MAMDC2: variants seen among roughly 807,000 people sequenced by gnomAD.
The protein encoded by MAMDC2 is MAM domain-containing protein 2.
MAMDC2 carries 57 observed loss-of-function variants against 89.8 expected under a neutral mutation model. The observed-to-expected ratio is 0.63, with a 90% CI of 0.51 to 0.79. The LOEUF is 0.79. Among genes scored for constraint, MAMDC2 ranks in the 30% least tolerant of loss-of-function variants. The probability of loss-of-function intolerance (pLI) is 0.00; values close to 1 mark genes in which losing one functional copy is unlikely to be tolerated. For missense variants in MAMDC2, 800 were observed against 820.6 expected (o/e 0.97, Z 0.31); for synonymous variants, 313 against 293.4 (o/e 1.07, Z -0.68).
intron 11 of MAMDC2, among the ~76,000 whole-genome samples, chr9:70,206,667 A>G (rs1165636468): frequency 6.6e-6 from 1 of 152,082 alleles, no homozygotes; most frequent in East Asian, 1.9e-4. Flanking sequence ...TCTAGGGTAC[A>G]TGTGCACAAC....
At chr9:70,071,834 A>G (rs970553768) in intron 2 of MAMDC2, 4 of 152,190 alleles carry the variant, frequency 2.6e-5, no homozygotes, top group African/African-American at 7.2e-5. Context: ...TTATGAATAG[A>G]TGAACAAAGG....
chr9:70,210,588 A>C (rs1259303285), intron 11 of MAMDC2, among the ~76,000 whole-genome samples: 1 of 152,124 alleles, frequency 6.6e-6, no homozygotes, highest in Non-Finnish European at 1.5e-5. Context: ...TCTTTATCCA[A>C]GTTGCCAGTC....
intron 5 of MAMDC2, among the ~76,000 whole-genome samples, chr9:70,117,691 C>T (rs2030074806): frequency 6.6e-6 from 1 of 151,872 alleles, no homozygotes; most frequent in Non-Finnish European, 1.5e-5. Flanking sequence ...AATGTCCTTC[C>T]CTATAATACC....
chr9:70,083,731 A>G (rs1239318373), intron 2 of MAMDC2: 2 of 149,906 alleles, frequency 1.3e-5, no homozygotes, highest in Non-Finnish European at 3.0e-5. Flanking sequence ...TTTTATCCCA[A>G]GCCAAAGTCC....
At chr9:70,174,846 C>T (rs1229914362) in intron 11 of MAMDC2, among the ~76,000 whole-genome samples, 2 of 151,872 alleles carry the variant, frequency 1.3e-5, no homozygotes, top group Non-Finnish European at 2.9e-5. Context: ...CTGCCTCAGG[C>T]TCCCGACTAG....
intron 12 of MAMDC2, 82 bp downstream of exon 12, chr9:70,218,678 G>T (rs1047170014): frequency 8.2e-6 from 12 of 1,462,552 alleles, no homozygotes; most frequent in African/African-American, 2.8e-5. Context: ...CTACCAAAGA[G>T]AATATTTTGT....
rs148231559 is a variant in MAMDC2 at position 70,111,483 on chromosome 9, C to G, written c.506-1512C>G. On this transcript the variant is annotated intron_variant, in intron 4 of 13. Coordinates refer to ENST00000377182, the MANE Select transcript of MAMDC2 (RefSeq NM_153267.5). ...CTCATCTGTAAAATGAGGTTAGTAA[C>G]AGTGCCTATGTCATGGGGCTGCTTT... is the stretch of plus-strand genomic sequence containing the variant. Among the ~76,000 whole-genome samples, 374 of 152,296 alleles carry G rather than the reference C, an allele frequency of 2.5e-3. 1 individual carries two copies. The highest frequency in any genetic ancestry group is 3.5e-3 in the Non-Finnish European group (235 of 68,016).
intron 4 of MAMDC2, among the ~76,000 whole-genome samples, chr9:70,110,536 T>C (rs1340838035): frequency 6.6e-6 from 1 of 152,126 alleles, no homozygotes; most frequent in Non-Finnish European, 1.5e-5. Flanking sequence ...GCCAGACCCC[T>C]GTGGGGAGAA....
chr9:70,159,651 G>A (rs1365890296), intron 9 of MAMDC2, among the ~76,000 whole-genome samples: 2 of 152,162 alleles, frequency 1.3e-5, no homozygotes, highest in African/African-American at 4.8e-5. Context: ...TGCTGTTTGT[G>A]GATTGCATTC....
intron 11 of MAMDC2, among the ~76,000 whole-genome samples, chr9:70,207,954 T>C (rs1037358638): frequency 1.7e-4 from 26 of 152,208 alleles, no homozygotes; most frequent in Non-Finnish European, 3.4e-4. Flanking sequence ...ATGTGTGGTA[T>C]TATTTCTGAG....
intron 9 of MAMDC2, among the ~76,000 whole-genome samples, chr9:70,166,000 G>A (rs1335497381): frequency 6.6e-6 from 1 of 152,022 alleles, no homozygotes; most frequent in East Asian, 1.9e-4. Flanking sequence ...AACACTTTGG[G>A]AGGCCAAGCG....
In MAMDC2 at chr9:70,044,594, C is replaced by T. The variant is rs149438841; in HGVS notation, c.45C>T (p.Leu15=). ...GCTTTGTGCCCGCAGCCCTGCAGCT[C>T]GCCGGTGCCCTCGACCTGCCCGCTG... ...GVLLALQALQ[L]AGALDLPAGS... The change falls in exon 2 of 14, where the codon CTC becomes CTT. Residue 15 remains leucine, a synonymous_variant. Transcript: ENST00000377182. 6.5e-6 allele frequency: 10 copies of T among 1,549,992 alleles called. No individual in the cohort carries two copies. In the African/African-American group the frequency reaches 1.2e-4, roughly 19 times the overall value.
In MAMDC2 at chr9:70,226,672, AT is replaced by A. The variant is rs955527965; in HGVS notation, c.*642del. Reference sequence around the variant, plus strand: ...ATTACAAGGCAATGCTACCTTCTTTATTCCCCCTTTGAACTACCTTTGAAGT... The same window carrying A: ...ATTACAAGGCAATGCTACCTTCTTTATCCCCCTTTGAACTACCTTTGAAGT... On this transcript the variant is annotated 3_prime_UTR_variant, in exon 14 of 14. Transcript: ENST00000377182. 1 of 152,456 alleles carries A rather than the reference AT, an allele frequency of 6.6e-6. No individual in the cohort carries two copies. Among genetic ancestry groups the A allele is most frequent in the African/African-American group, 2.4e-5 (1 of 41,450 alleles). The allele number at this position is 152,456 out of a possible 1,614,324, so 9.4% of individuals were successfully genotyped here.
chr9:70,103,610 G>GAA (rs560294392), intron 2 of MAMDC2, among the ~76,000 whole-genome samples: 1 of 140,450 alleles, frequency 7.1e-6, no homozygotes, highest in African/African-American at 2.6e-5. Flanking sequence ...GCCAAAGGCA[G>GAA]AAAAAAAAAA....
rs1049826051 is a variant in MAMDC2 at position 70,109,867 on chromosome 9, A to G, written c.505+63A>G. On this transcript the variant is annotated intron_variant, in intron 4 of 13. Coordinates refer to ENST00000377182, the MANE Select transcript of MAMDC2 (RefSeq NM_153267.5). ...TCTTTTTCTAAAAGTTACTGTTGCC[A>G]GAGGGAACTGAATCAATCCTAAAGA... 3.0e-6 allele frequency: 4 copies of G among 1,355,618 alleles called. No individual in the cohort carries two copies. In the African/African-American group the frequency reaches 5.7e-5, roughly 19 times the overall value. 84.0% of individuals were successfully genotyped at this position (1,355,618 alleles called of 1,614,324 possible).
chr9:70,114,505 C>A (rs1252056880), intron 5 of MAMDC2, among the ~76,000 whole-genome samples: 1 of 151,954 alleles, frequency 6.6e-6, no homozygotes, highest in African/African-American at 2.4e-5. Context: ...CCCTGTTGGC[C>A]AACTTCTATT....
intron 2 of MAMDC2, chr9:70,088,385 C>T (rs1200907598): frequency 6.6e-6 from 1 of 152,062 alleles, no homozygotes; most frequent in Non-Finnish European, 1.5e-5. Context: ...TTTTAGGAGG[C>T]TGGCTGCTAG....
chr9:70,206,636 T>A (rs1416631124), intron 11 of MAMDC2, among the ~76,000 whole-genome samples: 1 of 151,588 alleles, frequency 6.6e-6, no homozygotes, highest in Non-Finnish European at 1.5e-5. Flanking sequence ...TATCTTTTTT[T>A]ATTATTATTA....
chr9:70,147,742 T>G lies in MAMDC2; in HGVS notation c.1404+3923T>G, dbSNP rs1014754621. 1.2e-4 allele frequency among the ~76,000 whole-genome samples: 18 copies of G among 150,456 alleles called. 1 individual carries two copies. The highest frequency in any genetic ancestry group is 4.2e-4 in the African/African-American group (17 of 40,650). On this transcript the variant is annotated intron_variant, in intron 9 of 13. Transcript: ENST00000377182. Reference sequence around the variant, plus strand: ...TATATTCCTACAGTTAAGCCTTCTGTGTTTGCTTATTGCATGATTTCCCTA... The same window carrying G: ...TATATTCCTACAGTTAAGCCTTCTGGGTTTGCTTATTGCATGATTTCCCTA...
Sources: gnomAD v4.1 joint callset for allele counts (sites outside exome capture counted in the v4.1 genomes callset) on GRCh38, gnomAD v4.1.1 for gene constraint, MANE v1.5 for transcripts, NCBI Gene and HGNC (gene_info 2026-07-23, HGNC 2026-07-21) for gene names.